The following VMP1 variants were observed in gnomAD, a reference collection of about 807,000 sequenced individuals.
VMP1 encodes the protein ectopic P-granules autophagy protein 3 homolog.
VMP1 carries 11 observed loss-of-function variants against 56.0 expected under a neutral mutation model. The ratio of observed to expected loss-of-function variants is 0.20; its 90% CI spans 0.12 to 0.32. VMP1 has a LOEUF of 0.32. VMP1 is among the 10% of genes least tolerant of loss of function. VMP1 has a pLI of 1.00. For missense variants in VMP1, 296 were observed against 490.3 expected, an observed-to-expected ratio of 0.60 and a Z score of 3.74; for synonymous variants, 149 against 165.0, an observed-to-expected ratio of 0.90 and a Z score of 0.74.
intron 9 of VMP1, among the ~76,000 whole-genome samples, chr17:59,814,292 T>A (rs1412875873): frequency 6.6e-6 from 1 of 152,202 alleles, no homozygotes; most frequent in African/African-American, 2.4e-5. Flanking sequence ...GTGATTTTTT[T>A]ATGGAACTTC....
intron 7 of VMP1, among the ~76,000 whole-genome samples, chr17:59,781,425 T>A (rs567779985): frequency 6.6e-6 from 1 of 152,302 alleles, no homozygotes; most frequent in African/African-American, 2.4e-5. Flanking sequence ...AAAATTAGAA[T>A]CATACCATAA....
chr17:59,712,080 G>T (rs1320608028), intron 1 of VMP1, among the ~76,000 whole-genome samples: 1 of 152,082 alleles, frequency 6.6e-6, no homozygotes, highest in Admixed American at 6.6e-5. Flanking sequence ...CTTCTTGTTA[G>T]GATTGAATGA....
intron 7 of VMP1, among the ~76,000 whole-genome samples, chr17:59,787,143 G>T (rs1463153742): frequency 1.3e-5 from 2 of 152,118 alleles, no homozygotes; most frequent in African/African-American, 4.8e-5. Flanking sequence ...GGTACCAAAG[G>T]TCACTTACTT....
At chr17:59,740,771 G>A (rs534851375) in intron 5 of VMP1, among the ~76,000 whole-genome samples, 1 of 152,166 alleles carries the variant, frequency 6.6e-6, no homozygotes, top group African/African-American at 2.4e-5. Context: ...GGAATTACAG[G>A]TTACAGGATA....
chr17:59,835,994 G>T (rs2038969027), intron 10 of VMP1, among the ~76,000 whole-genome samples: 2 of 150,522 alleles, frequency 1.3e-5, no homozygotes, highest in African/African-American at 2.4e-5. Flanking sequence ...TTACTAGTCT[G>T]CCTCCCTAAT....
intron 10 of VMP1, among the ~76,000 whole-genome samples, chr17:59,828,928 C>T (rs1374733433): frequency 1.3e-5 from 2 of 152,124 alleles, no homozygotes; most frequent in Non-Finnish European, 2.9e-5. Context: ...CCAGCCTGAC[C>T]AACATGGTGA....
chr17:59,764,660 T>C (rs2036171453), intron 5 of VMP1, among the ~76,000 whole-genome samples: 1 of 152,174 alleles, frequency 6.6e-6, no homozygotes. Flanking sequence ...ATGTTCTGTA[T>C]CTTGATTGGT....
intron 10 of VMP1, among the ~76,000 whole-genome samples, chr17:59,822,183 A>G (rs998641047): frequency 6.6e-6 from 1 of 152,016 alleles, no homozygotes. Flanking sequence ...AAATAATTAG[A>G]CTCAGCAGAT....
chr17:59,794,517 ATTTTTTTTTTTTTTT>A (rs71145572), intron 7 of VMP1, among the ~76,000 whole-genome samples: 39 of 43,112 alleles, frequency 9.0e-4, no homozygotes, highest in African/African-American at 2.8e-3. Flanking sequence ...CGCGCCCTGC[ATTTTTTTTTTTTTTT>A]TTTTTTTTTT....
At chr17:59,808,383 T>G (rs1165064756) in intron 7 of VMP1, among the ~76,000 whole-genome samples, 1 of 152,254 alleles carries the variant, frequency 6.6e-6, no homozygotes, top group Non-Finnish European at 1.5e-5. Context: ...GCCACATAAC[T>G]GTTTTTTCCA....
intron 8 of VMP1, among the ~76,000 whole-genome samples, chr17:59,810,207 G>T (rs1051426256): frequency 2.6e-5 from 4 of 152,198 alleles, no homozygotes; most frequent in Middle Eastern, 3.4e-3. Flanking sequence ...AGGCTGGAGT[G>T]CAGTGGCGAG....
At chr17:59,820,606 G>A (rs749991364) in intron 10 of VMP1, among the ~76,000 whole-genome samples, 1 of 152,138 alleles carries the variant, frequency 6.6e-6, no homozygotes, top group African/African-American at 2.4e-5. Context: ...TCACAGCAAC[G>A]TATACTACAT....
chr17:59,803,666 A>T (rs2037749070), intron 7 of VMP1, among the ~76,000 whole-genome samples: 1 of 152,150 alleles, frequency 6.6e-6, no homozygotes, highest in Non-Finnish European at 1.5e-5. Flanking sequence ...TAGTTTATGG[A>T]TTTTTGAAAA....
chr17:59,811,537 G>T lies in VMP1; in HGVS notation c.796-133G>T, dbSNP rs984414575. On this transcript the variant is annotated intron_variant, in intron 8 of 11. Coordinates refer to ENST00000262291, the MANE Select transcript of VMP1 (RefSeq NM_030938.5). ...GCCTAACCTCCTTTTGAACAATCCA[G>T]TAGTGATCAAGGAACCCATATATTG... 3 of 700,456 alleles carry T rather than the reference G, an allele frequency of 4.3e-6. No homozygotes were observed. In the South Asian group the frequency reaches 5.2e-5, roughly 12 times the overall value. 43.4% of individuals were successfully genotyped at this position (700,456 alleles called of 1,614,324 possible). A position where few individuals can be genotyped will look rare whatever the true frequency, so the allele number is the denominator to read the frequency against.
rs2034021553 is a variant in VMP1 at position 59,713,631 on chromosome 17, T to G, written c.-27+5883T>G. ...GGGAGGCTGAGGTGGGTGGATCGCT[T>G]GAGTCCAGGAGTTCGAGACCAGCCT... On this transcript the variant is annotated intron_variant, in intron 1 of 11. Coordinates refer to ENST00000262291, the MANE Select transcript of VMP1 (RefSeq NM_030938.5). 2.0e-5 allele frequency among the ~76,000 whole-genome samples: 3 copies of G among 150,464 alleles called. No individual in the cohort carries two copies. In the South Asian group the frequency reaches 6.3e-4, roughly 32 times the overall value.
chr17:59,750,709 A>G (rs906616316), intron 5 of VMP1, among the ~76,000 whole-genome samples: 5 of 152,166 alleles, frequency 3.3e-5, no homozygotes, highest in African/African-American at 1.2e-4. Flanking sequence ...AGAATATTAA[A>G]TAAATTAGAA....
chr17:59,829,601 TA>T (rs1239149203), intron 10 of VMP1, among the ~76,000 whole-genome samples: 2 of 152,154 alleles, frequency 1.3e-5, no homozygotes, highest in African/African-American at 4.8e-5. Context: ...GATCACTGCC[TA>T]GGGGGTAGGA....
chr17:59,739,369 G>T (rs1251419214), intron 5 of VMP1, among the ~76,000 whole-genome samples: 1 of 152,172 alleles, frequency 6.6e-6, no homozygotes, highest in Non-Finnish European at 1.5e-5. Flanking sequence ...GAATGTAATT[G>T]ATGGAGTATT....
intron 7 of VMP1, among the ~76,000 whole-genome samples, chr17:59,796,828 G>T (rs1428650762): frequency 5.3e-5 from 8 of 152,020 alleles, no homozygotes; most frequent in Non-Finnish European, 1.2e-4. Flanking sequence ...TTGGCAAAAT[G>T]GAAGCAATAT....
Sources: allele counts gnomAD v4.1 joint callset (sites outside exome capture counted in the v4.1 genomes callset), GRCh38; gene constraint gnomAD v4.1.1; transcripts MANE v1.5; gene names NCBI Gene and HGNC (gene_info 2026-07-23, HGNC 2026-07-21).